Variants in TMEM232 observed in about 807,000 individuals in gnomAD.
TMEM232 encodes transmembrane protein 232.
In TMEM232, 80 loss-of-function variants were observed where a neutral mutation model predicts 78.8. That is an observed-to-expected ratio of 1.01 (90% CI 0.85 to 1.22). The LOEUF (loss-of-function observed/expected upper bound fraction) is 1.22. Among genes scored for constraint, TMEM232 ranks in the 50% most tolerant of loss-of-function variants. TMEM232 has a pLI of 0.00. For missense variants in TMEM232, 881 were observed against 742.2 expected, an observed-to-expected ratio of 1.19 and a Z score of -2.17; for synonymous variants, 297 against 254.3, an observed-to-expected ratio of 1.17 and a Z score of -1.60.
chr5:110,602,032 A>G (rs2149813932), intron 10 of TMEM232, among the ~76,000 whole-genome samples: 1 of 152,346 alleles, frequency 6.6e-6, no homozygotes, highest in Middle Eastern at 3.4e-3. Context: ...CCTGACAAAA[A>G]CAAGCAATGG....
intron 2 of TMEM232, among the ~76,000 whole-genome samples, chr5:110,662,571 C>G (rs1207675146): frequency 6.6e-6 from 1 of 152,016 alleles, no homozygotes; most frequent in Non-Finnish European, 1.5e-5. Context: ...AATCTATCAT[C>G]TTGACTATTA....
chr5:110,651,640 G>A (rs943754440), intron 2 of TMEM232, among the ~76,000 whole-genome samples: 1 of 152,076 alleles, frequency 6.6e-6, no homozygotes, highest in Non-Finnish European at 1.5e-5. Flanking sequence ...ACACAATTTT[G>A]TTAACATTCT....
intron 11 of TMEM232, among the ~76,000 whole-genome samples, chr5:110,557,543 C>T (rs77413460): frequency 0.028 from 4,301 of 152,212 alleles, 164 homozygotes; most frequent in African/African-American, 0.087. Context: ...GCAGCCTATA[C>T]AGGAAGCATA....
intron 12 of TMEM232, among the ~76,000 whole-genome samples, chr5:110,513,554 A>G (rs1768115231): frequency 6.6e-6 from 1 of 152,124 alleles, no homozygotes. Flanking sequence ...TTCCAAGGAA[A>G]TCACACAAAT....
intron 12 of TMEM232, among the ~76,000 whole-genome samples, chr5:110,517,208 G>C (rs1399319912): frequency 6.6e-6 from 1 of 152,218 alleles, no homozygotes; most frequent in Non-Finnish European, 1.5e-5. Context: ...ATTTAGACCT[G>C]TGGGGTTTCA....
At chr5:110,488,826 A>G (rs1458882110) in intron 12 of TMEM232, among the ~76,000 whole-genome samples, 1 of 152,070 alleles carries the variant, frequency 6.6e-6, no homozygotes, top group East Asian at 1.9e-4. Context: ...TTAACCTAGC[A>G]TAAAAAATAG....
At chr5:110,548,465 G>T (rs940628962) in intron 11 of TMEM232, among the ~76,000 whole-genome samples, 2 of 150,560 alleles carry the variant, frequency 1.3e-5, no homozygotes, top group African/African-American at 4.9e-5. Flanking sequence ...AATAATTCAA[G>T]AATTTATTTT....
chr5:110,609,837 G>T (rs1222394036), intron 8 of TMEM232, among the ~76,000 whole-genome samples: 1 of 151,928 alleles, frequency 6.6e-6, no homozygotes, highest in Non-Finnish European at 1.5e-5. Context: ...TGAAGAAGAG[G>T]GAACTATATA....
chr5:110,404,073 T>C (rs1755702077), intron 2 of TMEM232, among the ~76,000 whole-genome samples: 1 of 151,956 alleles, frequency 6.6e-6, no homozygotes, highest in Non-Finnish European at 1.5e-5. Context: ...ATACCAAACT[T>C]GCCACAGGAT....
At chr5:110,582,915 A>G (rs1296845126) in intron 10 of TMEM232, among the ~76,000 whole-genome samples, 1 of 152,024 alleles carries the variant, frequency 6.6e-6, no homozygotes, top group African/African-American at 2.4e-5. Flanking sequence ...TTATGATAGC[A>G]ACAAAAAGAA....
chr5:110,422,490 AG>A (rs1279364626), intron 13 of TMEM232, among the ~76,000 whole-genome samples: 11 of 135,424 alleles, frequency 8.1e-5, no homozygotes, highest in African/African-American at 3.2e-4. Flanking sequence ...ACTGCACTCC[AG>A]CCTGGGCCAC....
At chr5:110,678,635 T>C (rs896223241) in intron 1 of TMEM232, among the ~76,000 whole-genome samples, 6 of 151,952 alleles carry the variant, frequency 3.9e-5, no homozygotes, top group Non-Finnish European at 8.8e-5. Context: ...TCATACAGAG[T>C]GTTTTTGATA....
intron 12 of TMEM232, among the ~76,000 whole-genome samples, chr5:110,426,301 G>A (rs1163617367): frequency 6.6e-6 from 1 of 151,892 alleles, no homozygotes; most frequent in African/African-American, 2.4e-5. Flanking sequence ...GTTTTCCTGA[G>A]TAGAGTATGA....
chr5:110,453,053 TAC>T (rs1279761958), intron 12 of TMEM232, among the ~76,000 whole-genome samples: 4 of 152,170 alleles, frequency 2.6e-5, no homozygotes, highest in Non-Finnish European at 5.9e-5. Flanking sequence ...ATCTGAGAGT[TAC>T]ATTGTTATAA....
At chr5:110,469,276 A>G (rs12515045) in intron 12 of TMEM232, among the ~76,000 whole-genome samples, 5,903 of 152,236 alleles carry the variant, frequency 0.039, 339 homozygotes, top group East Asian at 0.26. Flanking sequence ...TTGAGTAGCC[A>G]TGGAAATCTC....
At chr5:110,526,765 C>T (rs1314323324) in intron 12 of TMEM232, among the ~76,000 whole-genome samples, 1 of 151,900 alleles carries the variant, frequency 6.6e-6, no homozygotes, top group Non-Finnish European at 1.5e-5. Context: ...TTCTTTGTGG[C>T]ATTGTGTCTA....
chr5:110,655,200 A>G (rs2150076039), intron 2 of TMEM232, among the ~76,000 whole-genome samples: 1 of 152,272 alleles, frequency 6.6e-6, no homozygotes, highest in East Asian at 1.9e-4. Flanking sequence ...ACTGAAACAA[A>G]TTTACAAGAA....
chr5:110,616,731 G>A (rs1782967943), intron 8 of TMEM232, among the ~76,000 whole-genome samples: 1 of 152,096 alleles, frequency 6.6e-6, no homozygotes, highest in South Asian at 2.1e-4. Context: ...ATAAGGGAAA[G>A]GCAAAGTAAA....
intron 1 of TMEM232, among the ~76,000 whole-genome samples, chr5:110,669,866 A>G (rs1217205657): frequency 2.0e-5 from 3 of 152,200 alleles, no homozygotes; most frequent in Admixed American, 6.5e-5. Flanking sequence ...TATAAACAGA[A>G]CCAAAGACAA....
Sources: gnomAD v4.1 joint callset for allele counts (sites outside exome capture counted in the v4.1 genomes callset) on GRCh38, gnomAD v4.1.1 for gene constraint, MANE v1.5 for transcripts, NCBI Gene and HGNC (gene_info 2026-07-23, HGNC 2026-07-21) for gene names.